ADCY2: variants seen among roughly 807,000 people sequenced by gnomAD.
ADCY2 encodes adenylate cyclase 2, also known as adenylate cyclase type 2.
Under a neutral mutation model 125.2 loss-of-function variants are expected in ADCY2, and 31 were observed. The ratio of observed to expected loss-of-function variants is 0.25; its 90% CI spans 0.19 to 0.33. The LOEUF is 0.33. Ranked by LOEUF, ADCY2 falls within the 10% of genes least tolerant of loss-of-function variation. The pLI is 1.00. For synonymous variants in ADCY2, 512 were observed against 548.4 expected (o/e 0.93, Z 0.93); for missense variants, 904 against 1,418.2 (o/e 0.64, Z 5.82).
chr5:7,481,517 T>C (rs1406974337), intron 2 of ADCY2, among the ~76,000 whole-genome samples: 1 of 152,202 alleles, frequency 6.6e-6, no homozygotes, highest in Non-Finnish European at 1.5e-5. Flanking sequence ...TCCGCTTGCC[T>C]CGGCCTCCCA....
intron 2 of ADCY2, among the ~76,000 whole-genome samples, chr5:7,438,430 G>A (rs915602870): frequency 7.9e-5 from 12 of 152,170 alleles, no homozygotes; most frequent in African/African-American, 2.7e-4. Context: ...AGAGTATTGT[G>A]GGGGAAATAA....
chr5:7,455,746 T>C (rs940684379), intron 2 of ADCY2, among the ~76,000 whole-genome samples: 2 of 147,372 alleles, frequency 1.4e-5, no homozygotes, highest in African/African-American at 4.9e-5. Flanking sequence ...ATACAGTATG[T>C]GTTATATAAA....
chr5:7,624,687 T>C (rs1452389543), intron 3 of ADCY2, among the ~76,000 whole-genome samples: 1 of 152,198 alleles, frequency 6.6e-6, no homozygotes, highest in Non-Finnish European at 1.5e-5. Context: ...ACCTTGAAGA[T>C]TTAGAAATAA....
chr5:7,543,568 C>T (rs938189029), intron 3 of ADCY2, among the ~76,000 whole-genome samples: 2 of 152,062 alleles, frequency 1.3e-5, no homozygotes, highest in African/African-American at 2.4e-5. Context: ...CATGTGAAAC[C>T]GATGAAGGTT....
At chr5:7,642,723 C>A (rs1411582629) in intron 4 of ADCY2, among the ~76,000 whole-genome samples, 1 of 152,078 alleles carries the variant, frequency 6.6e-6, no homozygotes, top group Non-Finnish European at 1.5e-5. Context: ...AGAAAAAGAT[C>A]AGATCATGTA....
At position 7,679,439 on chromosome 5, in the gene ADCY2, A is replaced by T. The variant is rs908974894; in HGVS notation, c.721-11252A>T. 2.0e-5 allele frequency among the ~76,000 whole-genome samples: 3 copies of T among 152,262 alleles called. No individual in the cohort carries two copies. The East Asian group carries it at 5.8e-4, about 29-fold the overall frequency. On this transcript the variant is annotated intron_variant, in intron 4 of 24. Coordinates refer to ENST00000338316, the MANE Select transcript of ADCY2 (RefSeq NM_020546.3). ...TCAGAGCTGGAGCTGAGCTTATTTGACTGCTTCCCATTTTAGAAAGACCCC... is the reference window on the plus strand; with the variant it reads ...TCAGAGCTGGAGCTGAGCTTATTTGTCTGCTTCCCATTTTAGAAAGACCCC...
chr5:7,451,965 G>A (rs575938673), intron 2 of ADCY2, among the ~76,000 whole-genome samples: 15 of 152,212 alleles, frequency 9.9e-5, no homozygotes, highest in African/African-American at 3.4e-4. Flanking sequence ...AGTCTGGAGT[G>A]CAATGGCACA....
chr5:7,607,709 A>G (rs944704034), intron 3 of ADCY2, among the ~76,000 whole-genome samples: 1 of 152,234 alleles, frequency 6.6e-6, no homozygotes, highest in African/African-American at 2.4e-5. Flanking sequence ...TGAAATTTGC[A>G]TTTATATATG....
chr5:7,639,180 T>C (rs2126671768), intron 4 of ADCY2, among the ~76,000 whole-genome samples: 1 of 152,324 alleles, frequency 6.6e-6, no homozygotes, highest in African/African-American at 2.4e-5. Flanking sequence ...TTCATTATTT[T>C]TCTTTAGAGT....
intron 18 of ADCY2, among the ~76,000 whole-genome samples, chr5:7,779,367 G>T (rs1743841825): frequency 2.0e-5 from 3 of 152,180 alleles, no homozygotes; most frequent in African/African-American, 7.2e-5. Flanking sequence ...AGGGTCTGTG[G>T]CATAGACTCC....
chr5:7,567,480 A>C (rs2126595682), intron 3 of ADCY2, among the ~76,000 whole-genome samples: 1 of 152,220 alleles, frequency 6.6e-6, no homozygotes, highest in Admixed American at 6.5e-5. Context: ...TCTTCTTTGT[A>C]GTTCTTTTTG....
At chr5:7,518,348 GT>G (rs1326536581) in intron 2 of ADCY2, among the ~76,000 whole-genome samples, 1 of 151,196 alleles carries the variant, frequency 6.6e-6, no homozygotes, top group Non-Finnish European at 1.5e-5. Flanking sequence ...CTTACTACAG[GT>G]CCCTCCAAAG....
At chr5:7,691,213 T>C (rs2126308966) in intron 5 of ADCY2, 1 of 155,694 alleles carries the variant, frequency 6.4e-6, no homozygotes, top group East Asian at 1.9e-4. Flanking sequence ...CAAGACTGAG[T>C]CCTCCAAATA....
At chr5:7,713,846 G>C (rs1025007962) in intron 11 of ADCY2, among the ~76,000 whole-genome samples, 1 of 152,108 alleles carries the variant, frequency 6.6e-6, no homozygotes, top group Admixed American at 6.6e-5. Flanking sequence ...ATTTATTGGA[G>C]CTATTGATAG....
intron 4 of ADCY2, among the ~76,000 whole-genome samples, chr5:7,641,230 G>A (rs1168292006): frequency 6.6e-6 from 1 of 152,142 alleles, no homozygotes; most frequent in African/African-American, 2.4e-5. Context: ...CAAAGATGTG[G>A]ATAGTTTTGT....
Position 7,731,846 on chromosome 5 carries a change from G to A in ADCY2, c.1871+4585G>A, listed in dbSNP as rs182765240. On this transcript the variant is annotated intron_variant, in intron 14 of 24. Transcript: ENST00000338316. ...TCAAACTTCTAGCCTCAAGCAATCC[G>A]CCTGCCTCGGCCTCCCAAAGTGTTG... Among the ~76,000 whole-genome samples, 33 of 152,172 alleles carry A rather than the reference G, an allele frequency of 2.2e-4. 1 individual carries two copies. In the East Asian group the frequency reaches 6.4e-3, roughly 29 times the overall value.
chr5:7,733,259 G>T (rs932582962), intron 14 of ADCY2, among the ~76,000 whole-genome samples: 1 of 152,140 alleles, frequency 6.6e-6, no homozygotes, highest in Non-Finnish European at 1.5e-5. Context: ...TTTCTACTCA[G>T]ATCTCTAGTA....
intron 1 of ADCY2, among the ~76,000 whole-genome samples, chr5:7,400,099 A>AT (rs11441853): frequency 0.17 from 25,045 of 151,602 alleles, 2,300 homozygotes; most frequent in Non-Finnish European, 0.21. Flanking sequence ...GGTTGACATA[A>AT]TTTTTTTTTA....
At chr5:7,820,950 C>A (rs1246172573) in intron 24 of ADCY2, among the ~76,000 whole-genome samples, 2 of 152,178 alleles carry the variant, frequency 1.3e-5, no homozygotes, top group Non-Finnish European at 2.9e-5. Context: ...CATGATGGCA[C>A]AACAGCCCTG....
Sources: allele counts gnomAD v4.1 joint callset (sites outside exome capture counted in the v4.1 genomes callset), GRCh38; gene constraint gnomAD v4.1.1; transcripts MANE v1.5; gene names NCBI Gene and HGNC (gene_info 2026-07-23, HGNC 2026-07-21).